The following UNC45B variants were observed in gnomAD, a reference collection of about 807,000 sequenced individuals.
UNC45B encodes protein unc-45 homolog B.
UNC45B carries 78 observed loss-of-function variants against 98.7 expected under a neutral mutation model. The observed-to-expected ratio is 0.79, with a 90% CI of 0.66 to 0.95. UNC45B has a LOEUF of 0.95. UNC45B is among the 40% of genes least tolerant of loss of function. The pLI, the probability that UNC45B is intolerant of heterozygous loss-of-function variation, is 0.00. For synonymous variants in UNC45B, 462 were observed against 480.4 expected, an observed-to-expected ratio of 0.96 and a Z score of 0.50; for missense variants, 1,225 against 1,184.9, an observed-to-expected ratio of 1.03 and a Z score of -0.50.
At chr17:35,158,283 G>A (rs1299835883) in intron 7 of UNC45B, among the ~76,000 whole-genome samples, 3 of 152,246 alleles carry the variant, frequency 2.0e-5, no homozygotes, top group East Asian at 1.9e-4. Context: ...CCCTGCTTGT[G>A]TGGCTGGCAG....
At chr17:35,153,248 T>C (rs139289764) in intron 5 of UNC45B, among the ~76,000 whole-genome samples, 178 of 152,296 alleles carry the variant, frequency 1.2e-3, no homozygotes, top group African/African-American at 4.1e-3. Context: ...TTTTCTGGCA[T>C]TGATTTTGAT....
At chr17:35,170,373 A>G (rs1567763140) in intron 12 of UNC45B, 118 bp downstream of exon 12, 5 of 1,226,968 alleles carry the variant, frequency 4.1e-6, no homozygotes, top group South Asian at 2.0e-5. Flanking sequence ...CTGTATAAAC[A>G]TGATTGGTTA....
At chr17:35,150,253 G>A in intron 4 of UNC45B, 30 bp downstream of exon 4, 1 of 1,587,362 alleles carries the variant, frequency 6.3e-7, no homozygotes, top group African/African-American at 1.3e-5. Flanking sequence ...ACAACCCTTG[G>A]CTGCCCAGCC....
rs2092314579 is a variant in UNC45B at position 35,188,141 on chromosome 17, C to G, written c.*1582C>G. Reference sequence around the variant, plus strand: ...TGCACTAATGGTCTTTACATACAGCCTACATTTTAACTAACTCTTGCATGG... The same window carrying G: ...TGCACTAATGGTCTTTACATACAGCGTACATTTTAACTAACTCTTGCATGG... On this transcript the variant is annotated 3_prime_UTR_variant, in exon 20 of 20. Transcript: ENST00000394570. 6.6e-6 allele frequency: 1 copy of G among 152,200 alleles called. No individual in the cohort carries two copies. The highest frequency in any genetic ancestry group is 2.1e-4 in the South Asian group (1 of 4,836). The allele number at this position is 152,200 out of a possible 1,614,324, so 9.4% of individuals were successfully genotyped here. A position where few individuals can be genotyped will look rare whatever the true frequency, so the allele number is the denominator to read the frequency against.
chr17:35,148,307 G>C lies in UNC45B; in HGVS notation c.44G>C (p.Arg15Pro). 1 of 1,614,120 alleles carries C rather than the reference G, an allele frequency of 6.2e-7. No homozygotes were observed. Among genetic ancestry groups the C allele is most frequent in the Non-Finnish European group, 8.5e-7 (1 of 1,180,004 alleles). The change falls in exon 2 of 20, where the codon CGG becomes CCG. Residue 15 changes from arginine (R) to proline (P), a missense_variant. Coordinates refer to ENST00000394570, the MANE Select transcript of UNC45B (RefSeq NM_001267052.2). The part of the protein sequence containing the change: ...EAVQLKEEGN[R>P]HFQLQDYKAA... ...GTACAGCTGAAGGAGGAAGGAAACC[G>C]GCATTTCCAGCTCCAGGACTACAAG... is the stretch of plus-strand genomic sequence containing the variant.
intron 12 of UNC45B, among the ~76,000 whole-genome samples, chr17:35,170,901 C>A (rs145570487): frequency 1.7e-3 from 255 of 152,076 alleles, no homozygotes; most frequent in African/African-American, 6.0e-3. Context: ...CCCTCCCAGG[C>A]CCCCCCAGAC....
In UNC45B at chr17:35,180,644, G is replaced by A. The variant is rs367925262; in HGVS notation, c.2341G>A (p.Glu781Lys). 13 of 1,613,706 alleles carry A rather than the reference G, an allele frequency of 8.1e-6. No individual in the cohort carries two copies. Among genetic ancestry groups the A allele is most frequent in the African/African-American group, 2.7e-5 (2 of 74,894 alleles). Reference sequence around the variant, plus strand: ...TGATCAGCTGCGGCAGGCGGCCACCGAGTGCATGTGCAACATGGTGCTCCA... The same window carrying A: ...TGATCAGCTGCGGCAGGCGGCCACCAAGTGCATGTGCAACATGGTGCTCCA... Reference protein sequence around the residue: ...NHDQLRQAATECMCNMVLHKE... With the variant: ...NHDQLRQAATKCMCNMVLHKE... Residue 781 changes from glutamate to lysine, a missense_variant, in exon 18 of 20, where the codon GAG (glutamate) becomes AAG (lysine). By Grantham distance (56) the Glu-to-Lys change is moderately conservative (BLOSUM62 1). Coordinates refer to ENST00000394570, the MANE Select transcript of UNC45B (RefSeq NM_001267052.2).
intron 8 of UNC45B, among the ~76,000 whole-genome samples, chr17:35,162,281 C>T (rs1007937206): frequency 2.0e-4 from 30 of 152,240 alleles, no homozygotes; most frequent in Non-Finnish European, 3.4e-4. Flanking sequence ...GGATTGAGCC[C>T]TTAACCTGTG....
rs1467595269 is a variant in UNC45B at position 35,159,504 on chromosome 17, C to T, written c.938C>T (p.Ala313Val). 1.2e-6 allele frequency: 2 copies of T among 1,613,914 alleles called. No individual in the cohort carries two copies. Among genetic ancestry groups the T allele is most frequent in the Non-Finnish European group, 1.7e-6 (2 of 1,179,982 alleles). ...LNKNVPRKDLAIHDNSRTIYV... is the reference protein window; with the variant it reads ...LNKNVPRKDLVIHDNSRTIYV... ...AAGAATGTTCCCAGGAAGGACCTTGCCATTCATGACAACTCACGTACCATC... is the reference window on the plus strand; with the variant it reads ...AAGAATGTTCCCAGGAAGGACCTTGTCATTCATGACAACTCACGTACCATC... Residue 313 changes from alanine (A) to valine (V), a missense_variant, in exon 8 of 20, where the codon GCC (alanine) becomes GTC (valine). Transcript: ENST00000394570.
At position 35,186,712 on chromosome 17, in the gene UNC45B, A is replaced by C; in HGVS notation, c.*153A>C. The C allele has an allele frequency of 1.2e-6, 1 of 844,562 alleles. No individual in the cohort carries two copies. Among genetic ancestry groups the C allele is most frequent in the Non-Finnish European group, 1.8e-6 (1 of 564,610 alleles). 52.3% of individuals were successfully genotyped at this position (844,562 alleles called of 1,614,324 possible). On this transcript the variant is annotated 3_prime_UTR_variant, in exon 20 of 20. Coordinates refer to ENST00000394570, the MANE Select transcript of UNC45B (RefSeq NM_001267052.2). ...AGACTTGATTGTTCTCTGAGTTGTG[A>C]GTCTTCTCCTTTGTCCTGACAGAGT...
At chr17:35,174,178 G>A in intron 13 of UNC45B, 64 bp from the exon 14 acceptor site, 3 of 1,607,752 alleles carry the variant, frequency 1.9e-6, no homozygotes, top group Admixed American at 1.7e-5. Flanking sequence ...ACCATCTTTG[G>A]TTCCAATACC....
chr17:35,148,999 T>G lies in UNC45B; in HGVS notation c.195T>G (p.Asp65Glu). The G allele has an allele frequency of 6.2e-7, 1 of 1,614,134 alleles. No individual in the cohort carries two copies. The highest frequency in any genetic ancestry group is 8.5e-7 in the Non-Finnish European group (1 of 1,180,030). ...AGAGCTACGTCCAGGCAGCTTCAGA[T>G]GCCTCCAGAGGTGAGCCCCTCCCAC... ...KTESYVQAAS[D>E]ASRAIDINSS... Residue 65 changes from aspartate (D) to glutamate (E), a missense_variant, in exon 3 of 20, where the codon GAT becomes GAG. Physicochemically the swap from Asp to Glu is conservative, Grantham distance 45. Transcript: ENST00000394570.
chr17:35,148,576 C>T lies in UNC45B; in HGVS notation c.168+145C>T, dbSNP rs1374149373. On this transcript the variant is annotated intron_variant, in intron 2 of 19. Transcript: ENST00000394570. ...GGGTTGGAGAAGGGTGCCTCCAACC[C>T]CCTGACCCATGCCCCGGAAAGACAG... is the stretch of plus-strand genomic sequence containing the variant. The T allele has an allele frequency of 5.3e-6, 5 of 940,626 alleles. No homozygotes were observed. The Admixed American group carries it at 1.2e-4, about 22-fold the overall frequency. The allele number at this position is 940,626 out of a possible 1,614,324, so 58.3% of individuals were successfully genotyped here.
intron 19 of UNC45B, 38 bp downstream of exon 19, chr17:35,183,620 C>T (rs565537506): frequency 4.2e-5 from 61 of 1,462,870 alleles, no homozygotes; most frequent in Non-Finnish European, 5.3e-5. Flanking sequence ...GGCTGGGTGG[C>T]TCCAGGGAAT....
intron 7 of UNC45B, among the ~76,000 whole-genome samples, chr17:35,158,933 C>T (rs754617811): frequency 6.6e-6 from 1 of 152,162 alleles, no homozygotes; most frequent in Non-Finnish European, 1.5e-5. Context: ...GAAGTCCCGG[C>T]GTCACAGGCA....
chr17:35,183,123 C>T (rs1245035685), intron 18 of UNC45B, among the ~76,000 whole-genome samples: 1 of 151,422 alleles, frequency 6.6e-6, no homozygotes, highest in Admixed American at 6.6e-5. Context: ...AATACAGTTC[C>T]TCAGGCATCA....
At chr17:35,155,005 A>G (rs1260452414) in intron 6 of UNC45B, among the ~76,000 whole-genome samples, 3 of 152,250 alleles carry the variant, frequency 2.0e-5, no homozygotes, top group African/African-American at 7.2e-5. Context: ...CCCAGTGTGT[A>G]TTTCACACTA....
intron 1 of UNC45B, 100 bp from the exon 2 acceptor site, chr17:35,148,164 T>A: frequency 7.4e-7 from 1 of 1,342,832 alleles, no homozygotes; most frequent in Non-Finnish European, 1.0e-6. Flanking sequence ...CCATCCTCTC[T>A]GGTGTGAGGG....
chr17:35,174,351 C>T lies in UNC45B; in HGVS notation c.1940C>T (p.Thr647Ile). Residue 647 changes from threonine (T) to isoleucine (I), a missense_variant, in exon 14 of 20, where the codon ACC (threonine) becomes ATC (isoleucine). Physicochemically the swap from Thr to Ile is moderately conservative, Grantham distance 89 (BLOSUM62 -1). Transcript: ENST00000394570. ...KADSAILTDQ[T>I]KELLARVFLA... is the part of the protein sequence containing the mutation. ...GATAGTGCCATCCTCACTGACCAGACCAAGGAGCTGCTGGCCAGGTGGGGC... is the reference window on the plus strand; with the variant it reads ...GATAGTGCCATCCTCACTGACCAGATCAAGGAGCTGCTGGCCAGGTGGGGC... The T allele has an allele frequency of 4.3e-6, 7 of 1,614,168 alleles. No individual in the cohort carries two copies. The highest frequency in any genetic ancestry group is 5.9e-6 in the Non-Finnish European group (7 of 1,180,020).
Sources: allele counts gnomAD v4.1 joint callset (sites outside exome capture counted in the v4.1 genomes callset), GRCh38; gene constraint gnomAD v4.1.1; transcripts MANE v1.5; gene names NCBI Gene and HGNC (gene_info 2026-07-23, HGNC 2026-07-21).